Variants in ALDH7A1 observed in about 807,000 individuals in gnomAD.
ALDH7A1 encodes aldehyde dehydrogenase 7 family member A1.
A neutral mutation model predicts 79.9 loss-of-function variants in ALDH7A1; 63 were observed. That is an observed-to-expected ratio of 0.79 (90% CI 0.64 to 0.97). ALDH7A1 has a LOEUF of 0.97. ALDH7A1 is among the 50% of genes least tolerant of loss of function. The pLI is 0.00. For synonymous variants in ALDH7A1, 240 were observed against 231.2 expected, an observed-to-expected ratio of 1.04 and a Z score of -0.34; for missense variants, 627 against 665.2, an observed-to-expected ratio of 0.94 and a Z score of 0.63.
intron 16 of ALDH7A1, 169 bp downstream of exon 16, chr5:126,549,760 T>C: frequency 7.0e-6 from 5 of 718,588 alleles, no homozygotes; most frequent in Non-Finnish European, 1.0e-5. Context: ...CAGGACTCTA[T>C]GCGATAACTT....
intron 5 of ALDH7A1, among the ~76,000 whole-genome samples, chr5:126,579,396 G>A (rs1230991879): frequency 6.6e-6 from 1 of 152,138 alleles, no homozygotes; most frequent in Non-Finnish European, 1.5e-5. Flanking sequence ...TCCCAGCTAT[G>A]TGCCCACCAT....
At chr5:126,551,000 G>C (rs1288990573) in intron 14 of ALDH7A1, among the ~76,000 whole-genome samples, 3 of 152,086 alleles carry the variant, frequency 2.0e-5, no homozygotes, top group Non-Finnish European at 2.9e-5. Flanking sequence ...GGGTTTTTTG[G>C]GTTTTATTTA....
rs193075448 is a variant in ALDH7A1 at position 126,551,612 on chromosome 5, C to T, written c.1317+409G>A. Among the ~76,000 whole-genome samples the T allele has an allele frequency of 2.3e-3, 346 of 152,228 alleles. 7 individuals carry two copies. Among genetic ancestry groups the T allele is most frequent in the Admixed American group, 0.018 (280 of 15,292 alleles). On this transcript the variant is annotated intron_variant, in intron 14 of 17. Coordinates refer to ENST00000409134, the MANE Select transcript of ALDH7A1 (RefSeq NM_001182.5). ...TGCTGGGATTACAGGTGTGAGCCAC[C>T]GTGCCTGGCCAACTATAGGTCTTTG...
chr5:126,586,024 C>T (rs1318544008), intron 3 of ALDH7A1: 1 of 152,038 alleles, frequency 6.6e-6, no homozygotes, highest in Non-Finnish European at 1.5e-5. Flanking sequence ...AAAATAAGGT[C>T]GATTTTTATG....
At chr5:126,575,357 G>A (rs1388224555) in intron 7 of ALDH7A1, 63 bp downstream of exon 7, 1 of 1,498,602 alleles carries the variant, frequency 6.7e-7, no homozygotes, top group African/African-American at 1.4e-5. Context: ...AAAAGTCAGG[G>A]CCTATCAATA....
At chr5:126,546,560 A>G (rs1484766752) in intron 16 of ALDH7A1, among the ~76,000 whole-genome samples, 161 bp from the exon 17 acceptor site, 2 of 152,140 alleles carry the variant, frequency 1.3e-5, no homozygotes, top group Non-Finnish European at 2.9e-5. Flanking sequence ...TCAAAGACAG[A>G]GACCAAGAGA....
intron 13 of ALDH7A1, among the ~76,000 whole-genome samples, chr5:126,552,865 T>A (rs1042447893): frequency 1.3e-5 from 2 of 151,760 alleles, no homozygotes; most frequent in Non-Finnish European, 2.9e-5. Context: ...TCCTCCCACC[T>A]CAGCCTCCCA....
chr5:126,549,764 A>G (rs746357975), intron 16 of ALDH7A1, 165 bp downstream of exon 16: 1 of 738,836 alleles, frequency 1.4e-6, no homozygotes, highest in Non-Finnish European at 2.4e-6. Flanking sequence ...ACTCTATGCG[A>G]TAACTTTGAA....
At chr5:126,576,226 G>A (rs1051646031) in intron 6 of ALDH7A1, among the ~76,000 whole-genome samples, 2 of 139,338 alleles carry the variant, frequency 1.4e-5, no homozygotes, top group African/African-American at 5.4e-5. Context: ...CCGCGCCCCT[G>A]CACTCCAGCC....
rs1038189188 is a variant in ALDH7A1, at chr5:126,552,137, C to T, written c.1201G>A (p.Val401Ile). The change falls in exon 14 of 18, where the codon GTT becomes ATT. Residue 401 changes from valine (V) to isoleucine (I), a missense_variant and splice_region_variant. Physicochemically the swap from Val to Ile is conservative, Grantham distance 29. Coordinates refer to ENST00000409134, the MANE Select transcript of ALDH7A1 (RefSeq NM_001182.5). Reference protein sequence around the residue: ...EGGTVVYGGKVMDRPGNYVEP... With the variant: ...EGGTVVYGGKIMDRPGNYVEP... The stretch of plus-strand genomic sequence containing the variant: ...ACATAATTTCCAGGGCGATCCATAA[C>T]CTAATGCAGAGAAATGAAATAAAAA... 4 of 1,611,274 alleles carry T rather than the reference C, an allele frequency of 2.5e-6. No individual in the cohort carries two copies. Among genetic ancestry groups the T allele is most frequent in the Admixed American group, 3.3e-5 (2 of 59,994 alleles).
intron 9 of ALDH7A1, among the ~76,000 whole-genome samples, chr5:126,566,680 C>T (rs994438283): frequency 6.6e-6 from 1 of 152,084 alleles, no homozygotes; most frequent in African/African-American, 2.4e-5. Context: ...ATCATGTATC[C>T]AGGATCCATA....
intron 3 of ALDH7A1, among the ~76,000 whole-genome samples, chr5:126,590,852 T>G (rs1452669682): frequency 6.9e-6 from 1 of 144,026 alleles, no homozygotes; most frequent in Non-Finnish European, 1.5e-5. Flanking sequence ...GCCACTGCAC[T>G]CCAGCCTGGG....
intron 14 of ALDH7A1, among the ~76,000 whole-genome samples, chr5:126,551,505 T>C (rs1749998016): frequency 6.6e-6 from 1 of 152,034 alleles, no homozygotes; most frequent in Non-Finnish European, 1.5e-5. Flanking sequence ...TGTTTTTTAG[T>C]AGAGACGGGG....
At chr5:126,565,907 A>C (rs764609005) in intron 9 of ALDH7A1, among the ~76,000 whole-genome samples, 3 of 152,226 alleles carry the variant, frequency 2.0e-5, no homozygotes, top group Non-Finnish European at 4.4e-5. Flanking sequence ...ACAAGGGTTT[A>C]TCTCTGGACT....
intron 4 of ALDH7A1, among the ~76,000 whole-genome samples, chr5:126,583,283 C>G (rs1008663396): frequency 6.6e-6 from 1 of 151,788 alleles, no homozygotes; most frequent in African/African-American, 2.4e-5. Context: ...GAGTTCAAGA[C>G]CAGCCTGGCC....
chr5:126,564,528 T>A, intron 9 of ALDH7A1: 1 of 1,247,204 alleles, frequency 8.0e-7, no homozygotes. Flanking sequence ...GTGAATAACT[T>A]TTATTCATTT....
In ALDH7A1 at chr5:126,543,340, A is replaced by T. The variant is rs1384428459; in HGVS notation, c.*1625T>A. The T allele has an allele frequency of 6.6e-6, 1 of 152,210 alleles. No individual in the cohort carries two copies. The highest frequency in any genetic ancestry group is 1.5e-5 in the Non-Finnish European group (1 of 68,038). The allele number at this position is 152,210 out of a possible 1,614,324, so 9.4% of individuals were successfully genotyped here. On this transcript the variant is annotated 3_prime_UTR_variant, in exon 18 of 18. Transcript: ENST00000409134. ...TGTTTCAAAGAAAGCTTTCAGAATC[A>T]GTTTTACCTAAAATCTATAGCTAAG...
rs775743077 is a variant in ALDH7A1 at position 126,577,191 on chromosome 5, C to T, written c.538G>A (p.Glu180Lys). ...ACCAGGCCTACGGGATTCCACTGCT[C>T]AATCAGTGCATGGCCAGATCCTGAG... is the stretch of plus-strand genomic sequence containing the variant. ...PSERSGHALI[E>K]QWNPVGLVGI... The change falls in exon 6 of 18, where the codon GAG (glutamate) becomes AAG (lysine). Residue 180 changes from glutamate (E) to lysine (K), a missense_variant. Transcript: ENST00000409134. 6.2e-7 allele frequency: 1 copy of T among 1,614,126 alleles called. No individual in the cohort carries two copies.
chr5:126,551,993 C>G (rs2306617), intron 14 of ALDH7A1, 28 bp downstream of exon 14: 2 of 1,488,518 alleles, frequency 1.3e-6, no homozygotes, highest in African/African-American at 2.8e-5. Flanking sequence ...ATTTCAACAT[C>G]AGGCTAGCGA....
Sources: allele counts gnomAD v4.1 joint callset (sites outside exome capture counted in the v4.1 genomes callset), GRCh38; gene constraint gnomAD v4.1.1; transcripts MANE v1.5; gene names NCBI Gene and HGNC (gene_info 2026-07-23, HGNC 2026-07-21).